The following EXD3 variants were observed in gnomAD, a reference collection of about 807,000 sequenced individuals.
EXD3 encodes exonuclease mut-7 homolog.
EXD3 carries 92 observed loss-of-function variants against 98.0 expected under a neutral mutation model. The observed-to-expected ratio is 0.94, with a 90% CI of 0.79 to 1.12. The LOEUF (loss-of-function observed/expected upper bound fraction) is 1.12, where lower values mean the gene tolerates loss of function less well. EXD3 is among the 50% of genes most tolerant of loss of function. The pLI, the probability that EXD3 is intolerant of heterozygous loss-of-function variation, is 0.00. For synonymous variants in EXD3, 569 were observed against 526.0 expected (o/e 1.08, Z -1.12); for missense variants, 1,222 against 1,191.6 (o/e 1.03, Z -0.38).
chr9:137,368,006 C>A lies in EXD3; in HGVS notation c.463-17G>T, dbSNP rs373275024. On this transcript the variant is annotated splice_polypyrimidine_tract_variant and intron_variant, in intron 5 of 21. Transcript: ENST00000340951. Reference sequence around the variant, plus strand: ...CGTGGCTGCCTGGCAAACACAAAGGCGGCAGATTACTCAGGGCCTGGGAGG... The same window carrying A: ...CGTGGCTGCCTGGCAAACACAAAGGAGGCAGATTACTCAGGGCCTGGGAGG... 6.2e-7 allele frequency: 1 copy of A among 1,604,750 alleles called. No homozygotes were observed. The highest frequency in any genetic ancestry group is 1.1e-5 in the South Asian group (1 of 90,722).
chr9:137,325,501 C>G (rs910358138), intron 17 of EXD3, among the ~76,000 whole-genome samples: 29 of 151,920 alleles, frequency 1.9e-4, no homozygotes, highest in African/African-American at 6.3e-4. Context: ...GGCACAATCT[C>G]GGCTCACTGC....
chr9:137,404,362 T>G (rs1346432778), intron 1 of EXD3, among the ~76,000 whole-genome samples: 1 of 152,128 alleles, frequency 6.6e-6, no homozygotes, highest in African/African-American at 2.4e-5. Context: ...TCCCTCCGCC[T>G]TCATGAAAGA....
Position 137,349,128 on chromosome 9 carries a change from T to G in EXD3, c.1812A>C (p.Ala604=). The part of the protein sequence containing the change: ...RKPPGLQKAS[A]PAAPRQVPVA... ...CACCCACCTGCCTGGGTGCGGCCGGTGCTGACGCTTTCTGCAGGCCGGGTG... is the reference window on the plus strand; with the variant it reads ...CACCCACCTGCCTGGGTGCGGCCGGGGCTGACGCTTTCTGCAGGCCGGGTG... The change falls in exon 16 of 22, where the codon GCA becomes GCC. Residue 604 remains alanine (A), a synonymous_variant. Coordinates refer to ENST00000340951, the MANE Select transcript of EXD3 (RefSeq NM_017820.5). This position sits in a 1 kb window ranked among gnomAD's most constrained non-coding sequence, Gnocchi z 7.4. 1 of 1,598,910 alleles carries G rather than the reference T, an allele frequency of 6.3e-7. No homozygotes were observed. Among genetic ancestry groups the G allele is most frequent in the Non-Finnish European group, 8.5e-7 (1 of 1,178,494 alleles).
At chr9:137,402,319 A>G (rs1837514679) in intron 1 of EXD3, among the ~76,000 whole-genome samples, 1 of 152,168 alleles carries the variant, frequency 6.6e-6, no homozygotes, top group South Asian at 2.1e-4. Context: ...TGGTCCCAGA[A>G]TGCTTTTAAC....
chr9:137,374,556 C>G (rs1281329929), intron 3 of EXD3: 1 of 985,376 alleles, frequency 1.0e-6, no homozygotes, highest in Non-Finnish European at 1.2e-6. Context: ...AAAAGGCTCC[C>G]AGCACCTGAC....
intron 2 of EXD3, among the ~76,000 whole-genome samples, chr9:137,383,671 G>A (rs538502538): frequency 3.9e-5 from 6 of 152,364 alleles, no homozygotes; most frequent in Admixed American, 2.6e-4. Context: ...AGCTGCAGGT[G>A]CAGAGCAGCC....
At chr9:137,314,051 C>G (rs1831504284) in intron 19 of EXD3, among the ~76,000 whole-genome samples, 1 of 152,130 alleles carries the variant, frequency 6.6e-6, no homozygotes, top group African/African-American at 2.4e-5. Flanking sequence ...GGTCCTGAGG[C>G]CCCCAGGCTG....
At chr9:137,354,473 C>A (rs1834503358) in intron 9 of EXD3, 96 bp from the exon 10 acceptor site, 1 of 1,579,320 alleles carries the variant, frequency 6.3e-7, no homozygotes, top group East Asian at 2.3e-5. Flanking sequence ...CAGGGTACAT[C>A]CTTGGCAGAG....
chr9:137,418,106 G>T (rs1469582168), intron 1 of EXD3, among the ~76,000 whole-genome samples: 49 of 152,338 alleles, frequency 3.2e-4, no homozygotes, highest in Non-Finnish European at 5.9e-5. Flanking sequence ...CAGCACTTTG[G>T]GAGGCCGAGG....
At chr9:137,383,232 C>T in intron 3 of EXD3, 81 bp downstream of exon 3, 1 of 1,194,098 alleles carries the variant, frequency 8.4e-7, no homozygotes, top group South Asian at 1.3e-5. Flanking sequence ...ACCAGGGAGG[C>T]CTCCTGTTAG....
rs114170411 is a variant in EXD3, at chr9:137,385,397, C to T, written c.56-2020G>A. Among the ~76,000 whole-genome samples the T allele has an allele frequency of 0.019, 2,744 of 141,820 alleles. 75 individuals carry two copies. Among genetic ancestry groups the T allele is most frequent in the African/African-American group, 0.061 (2,437 of 39,830 alleles). 93.0% of individuals were successfully genotyped at this position (141,820 alleles called of 152,430 possible). A position where few individuals can be genotyped will look rare whatever the true frequency, so the allele number is the denominator to read the frequency against. ...GGTGCTGCATGCTGGGCATGGCTGG[C>T]GATGGGGCCAGGGTGGGCTGGGCGG... On this transcript the variant is annotated intron_variant, in intron 2 of 21. Coordinates refer to ENST00000340951, the MANE Select transcript of EXD3 (RefSeq NM_017820.5). The surrounding 1 kb of genome is among the most constrained non-coding windows in gnomAD (Gnocchi z 4.4).
intron 2 of EXD3, among the ~76,000 whole-genome samples, chr9:137,387,968 T>C (rs888305959): frequency 2.0e-5 from 3 of 152,208 alleles, no homozygotes; most frequent in African/African-American, 2.4e-5. Flanking sequence ...CTGAGACAGA[T>C]GGCCCTGGCC....
At position 137,385,524 on chromosome 9, in the gene EXD3, T is replaced by C. The variant is rs1200902652; in HGVS notation, c.56-2147A>G. ...ACTTCACAATAAACAAAAGAGACTT[T>C]TATTTTGTTATTTAAGTTAATATTT... On this transcript the variant is annotated intron_variant, in intron 2 of 21. Coordinates refer to ENST00000340951, the MANE Select transcript of EXD3 (RefSeq NM_017820.5). This position sits in a 1 kb window ranked among gnomAD's most constrained non-coding sequence, Gnocchi z 4.4. 6.6e-6 allele frequency among the ~76,000 whole-genome samples: 1 copy of C among 152,138 alleles called. No homozygotes were observed. The highest frequency in any genetic ancestry group is 2.4e-5 in the African/African-American group (1 of 41,438).
intron 7 of EXD3, among the ~76,000 whole-genome samples, chr9:137,361,745 T>TA (rs200008533): frequency 0.11 from 13,731 of 124,250 alleles, 874 homozygotes; most frequent in African/African-American, 0.18. Context: ...GACTCTGTCT[T>TA]AAAAAAAAAA....
intron 7 of EXD3, chr9:137,365,987 T>G: frequency 1.8e-6 from 1 of 550,828 alleles, no homozygotes; most frequent in Non-Finnish European, 3.4e-6. Context: ...GACACACACA[T>G]GCACACCTGC....
At chr9:137,358,477 C>G (rs1365805464) in intron 7 of EXD3, among the ~76,000 whole-genome samples, 1 of 152,160 alleles carries the variant, frequency 6.6e-6, no homozygotes, top group East Asian at 1.9e-4. Flanking sequence ...CTCCCGGGGG[C>G]TCCGAAGCCA....
Position 137,361,080 on chromosome 9 carries a change from T to C in EXD3, c.657-4712A>G, listed in dbSNP as rs910005939. 3.4e-5 allele frequency among the ~76,000 whole-genome samples: 3 copies of C among 87,410 alleles called. 1 individual carries two copies. Among genetic ancestry groups the C allele is most frequent in the African/African-American group, 9.5e-5 (3 of 31,526 alleles). 57.3% of individuals were successfully genotyped at this position (87,410 alleles called of 152,430 possible). On this transcript the variant is annotated intron_variant, in intron 7 of 21. Coordinates refer to ENST00000340951, the MANE Select transcript of EXD3 (RefSeq NM_017820.5). ...GGCAACAGGTGGCTCAGGGCAGTGA[T>C]GCCCGAGTGATGGGAAGCGAGGCTG... is the stretch of plus-strand genomic sequence containing the variant.
At chr9:137,310,993 G>T (rs370212185) in intron 19 of EXD3, among the ~76,000 whole-genome samples, 4 of 152,226 alleles carry the variant, frequency 2.6e-5, no homozygotes, top group Non-Finnish European at 4.4e-5. Flanking sequence ...TGGAGCCTCC[G>T]GGTGTGGCCA....
At chr9:137,317,496 T>G (rs1371134816) in intron 19 of EXD3, among the ~76,000 whole-genome samples, 1 of 151,974 alleles carries the variant, frequency 6.6e-6, no homozygotes, top group Non-Finnish European at 1.5e-5. Flanking sequence ...CCCAGGCCGG[T>G]GGGTCCAGGT....
Sources: gnomAD v4.1 joint callset for allele counts (sites outside exome capture counted in the v4.1 genomes callset) on GRCh38, gnomAD v4.1.1 for gene constraint, Gnocchi (gnomAD v3.1) non-coding constraint, MANE v1.5 for transcripts, NCBI Gene and HGNC (gene_info 2026-07-23, HGNC 2026-07-21) for gene names.